The following SPNS1 variants were observed in gnomAD, a reference collection of about 807,000 sequenced individuals.
SPNS1 encodes the protein protein spinster homolog 1.
SPNS1 carries 22 observed loss-of-function variants against 50.3 expected under a neutral mutation model. The ratio of observed to expected loss-of-function variants is 0.44; its 90% CI spans 0.31 to 0.62. The LOEUF is 0.62. Among genes scored for constraint, SPNS1 ranks in the 20% least tolerant of loss-of-function variants. The pLI, the probability that SPNS1 is intolerant of heterozygous loss-of-function variation, is 0.07. For synonymous variants in SPNS1, 295 were observed against 317.4 expected, an observed-to-expected ratio of 0.93 and a Z score of 0.75; for missense variants, 576 against 728.6, an observed-to-expected ratio of 0.79 and a Z score of 2.41.
chr16:28,977,971 GGAA>G lies in SPNS1; in HGVS notation c.373_375del (p.Lys125del). ...GGCTACCTGGGTGACAGGTACAATCGGAAGTATCTCATGTGCGGGGGCATTGCC... is the reference window on the plus strand; with the variant it reads ...GGCTACCTGGGTGACAGGTACAATCGGTATCTCATGTGCGGGGGCATTGCC... On this transcript the variant is annotated inframe_deletion, in exon 3 of 12. Transcript: ENST00000311008. 6.2e-7 allele frequency: 1 copy of G among 1,613,924 alleles called. No homozygotes were observed. Among genetic ancestry groups the G allele is most frequent in the Non-Finnish European group, 8.5e-7 (1 of 1,179,920 alleles).
Position 28,975,023 on chromosome 16 carries a change from C to CA in SPNS1, c.-127dup, listed in dbSNP as rs1430999445. 1 of 1,432,130 alleles carries CA rather than the reference C, an allele frequency of 7.0e-7. No homozygotes were observed. The highest frequency in any genetic ancestry group is 1.4e-5 in the African/African-American group (1 of 69,552). 88.7% of individuals were successfully genotyped at this position (1,432,130 alleles called of 1,614,324 possible). A position where few individuals can be genotyped will look rare whatever the true frequency, so the allele number is the denominator to read the frequency against. Reference sequence around the variant, plus strand: ...CTCAGTGGTGCTCTGTGCTTCAGGGCAAGCTCCCCGTCTCCGGGCGCACTT... The same window carrying CA: ...CTCAGTGGTGCTCTGTGCTTCAGGGCAAAGCTCCCCGTCTCCGGGCGCACTT... On this transcript the variant is annotated 5_prime_UTR_variant, in exon 1 of 12. Transcript: ENST00000311008.
rs754755629 is a variant in SPNS1, at chr16:28,982,471, A to T, written c.1081A>T (p.Thr361Ser). Residue 361 changes from threonine (T) to serine (S), a missense_variant, in exon 8 of 12, where the codon ACT (threonine) becomes TCT (serine). By Grantham distance (58) the Thr-to-Ser change is moderately conservative. Coordinates refer to ENST00000311008, the MANE Select transcript of SPNS1 (RefSeq NM_032038.3). ...CCGGGCTGATCCCCTGGTCTGTGCC[A>T]CTGGCCTCCTGGGCTCTGCACCCTT... ...NPRADPLVCA[T>S]GLLGSAPFLF... 6.2e-7 allele frequency: 1 copy of T among 1,613,830 alleles called. No individual in the cohort carries two copies. Among genetic ancestry groups the T allele is most frequent in the East Asian group, 2.2e-5 (1 of 44,866 alleles).
intron 11 of SPNS1, 112 bp from the exon 12 acceptor site, chr16:28,984,093 C>T (rs1965666806): frequency 6.9e-7 from 1 of 1,439,978 alleles, no homozygotes; most frequent in East Asian, 2.3e-5. Flanking sequence ...CTGCATCCAC[C>T]CCTGGGGTGG....
At position 28,979,913 on chromosome 16, in the gene SPNS1, C is replaced by T. The variant is rs1965482476; in HGVS notation, c.663+442C>T. ...TGGTGCATGCCTGTAATCCCAGCTA[C>T]TCGGGGGGCTGAGGTAGGAGAATCA... On this transcript the variant is annotated intron_variant, in intron 5 of 11. Coordinates refer to ENST00000311008, the MANE Select transcript of SPNS1 (RefSeq NM_032038.3). 1.7e-5 allele frequency: 3 copies of T among 179,708 alleles called. No individual in the cohort carries two copies. The South Asian group carries it at 3.1e-4, about 19-fold the overall frequency. The allele number at this position is 179,708 out of a possible 1,614,324, so 11.1% of individuals were successfully genotyped here.
chr16:28,981,678 G>C lies in SPNS1; in HGVS notation c.809+63G>C. On this transcript the variant is annotated intron_variant, in intron 6 of 11. Coordinates refer to ENST00000311008, the MANE Select transcript of SPNS1 (RefSeq NM_032038.3). This position sits in a 1 kb window ranked among gnomAD's most constrained non-coding sequence, Gnocchi z 4.2. Reference sequence around the variant, plus strand: ...CCCTGGCGTCTGGTTTGAGGTTTAAGTGGGGATGTTCCTGTTCCTGGCCAC... The same window carrying C: ...CCCTGGCGTCTGGTTTGAGGTTTAACTGGGGATGTTCCTGTTCCTGGCCAC... The C allele has an allele frequency of 6.3e-7, 1 of 1,589,626 alleles. No homozygotes were observed. The highest frequency in any genetic ancestry group is 8.6e-7 in the Non-Finnish European group (1 of 1,165,966).
rs995793772 is a variant in SPNS1, at chr16:28,974,823, C to T, written c.-329C>T. 6.5e-7 allele frequency: 1 copy of T among 1,535,720 alleles called. No homozygotes were observed. Among genetic ancestry groups the T allele is most frequent in the Non-Finnish European group, 8.7e-7 (1 of 1,146,582 alleles). On this transcript the variant is annotated 5_prime_UTR_variant, in exon 1 of 12. Transcript: ENST00000311008. ...CATGGCGGCTGCCGTGGTGCAGCGC[C>T]CGGGCTGAGCGACAGCAAGTGCAGC... is the stretch of plus-strand genomic sequence containing the variant.
chr16:28,982,534 G>A lies in SPNS1; in HGVS notation c.1144G>A (p.Val382Met), dbSNP rs771767729. The A allele has an allele frequency of 2.5e-6, 4 of 1,607,894 alleles. No individual in the cohort carries two copies. The highest frequency in any genetic ancestry group is 2.2e-5 in the South Asian group (2 of 90,514). ...CCTTGCCTGCGCCCGTGGTAGCATC[G>A]TGGCCACTTATGTGAGTAGCCAGCA... ...LSLACARGSI[V>M]ATYIFIFIGE... Residue 382 changes from valine to methionine, a missense_variant, in exon 8 of 12, where the codon GTG becomes ATG. Physicochemically the swap from Val to Met is conservative, Grantham distance 21. This residue lies in a region of SPNS1 where 428 missense variants were observed against 520.1 expected (regional missense o/e 0.82). Coordinates refer to ENST00000311008, the MANE Select transcript of SPNS1 (RefSeq NM_032038.3).
Position 28,984,437 on chromosome 16 carries a change from T to G in SPNS1, c.*138T>G. 1 of 835,676 alleles carries G rather than the reference T, an allele frequency of 1.2e-6. No homozygotes were observed. Among genetic ancestry groups the G allele is most frequent in the Non-Finnish European group, 2.0e-6 (1 of 506,662 alleles). 51.8% of individuals were successfully genotyped at this position (835,676 alleles called of 1,614,324 possible). A position where few individuals can be genotyped will look rare whatever the true frequency, so the allele number is the denominator to read the frequency against. The stretch of plus-strand genomic sequence containing the variant: ...CGTGTGCCAGCTCCCAGACACTACC[T>G]GGGTAGCTCAGGGGAGGAGGTGGGG... On this transcript the variant is annotated 3_prime_UTR_variant, in exon 12 of 12. Coordinates refer to ENST00000311008, the MANE Select transcript of SPNS1 (RefSeq NM_032038.3).
intron 1 of SPNS1, 26 bp downstream of exon 1, chr16:28,975,418 A>C (rs1965308151): frequency 1.2e-6 from 2 of 1,614,024 alleles, no homozygotes; most frequent in African/African-American, 1.3e-5. Flanking sequence ...TGGGAGGAAG[A>C]TAGTCTAGGA....
In SPNS1 at chr16:28,975,545, C is replaced by T; in HGVS notation, c.295C>T (p.Leu99Phe). 1 of 1,614,230 alleles carries T rather than the reference C, an allele frequency of 6.2e-7. No individual in the cohort carries two copies. Among genetic ancestry groups the T allele is most frequent in the Non-Finnish European group, 8.5e-7 (1 of 1,180,036 alleles). Residue 99 changes from leucine (L) to phenylalanine (F), a missense_variant, in exon 2 of 12, where the codon CTC (leucine) becomes TTC (phenylalanine). By Grantham distance (22) the Leu-to-Phe change is conservative. Transcript: ENST00000311008. ...CAACATCGGGGACAGTAGCTCTGGGCTCATCCAGACCGGTGAGTGGGGACC... is the reference window on the plus strand; with the variant it reads ...CAACATCGGGGACAGTAGCTCTGGGTTCATCCAGACCGGTGAGTGGGGACC... ...FFNIGDSSSGLIQTVFISSYM... is the reference protein window; with the variant it reads ...FFNIGDSSSGFIQTVFISSYM...
At chr16:28,979,538 G>C in intron 5 of SPNS1, 67 bp downstream of exon 5, 3 of 1,552,956 alleles carry the variant, frequency 1.9e-6, no homozygotes, top group Non-Finnish European at 2.7e-6. Flanking sequence ...CCTACCTTTG[G>C]ACCCCTTCCC....
chr16:28,982,518 C>T lies in SPNS1; in HGVS notation c.1128C>T (p.Cys376=), dbSNP rs111955817. ...SAPFLFLSLA[C]ARGSIVATYI... Reference sequence around the variant, plus strand: ...CCTTCCTCTTCCTGTCCCTTGCCTGCGCCCGTGGTAGCATCGTGGCCACTT... The same window carrying T: ...CCTTCCTCTTCCTGTCCCTTGCCTGTGCCCGTGGTAGCATCGTGGCCACTT... The change falls in exon 8 of 12, where the codon TGC becomes TGT. Residue 376 remains cysteine, a synonymous_variant. Coordinates refer to ENST00000311008, the MANE Select transcript of SPNS1 (RefSeq NM_032038.3). The T allele has an allele frequency of 7.1e-5, 114 of 1,611,300 alleles. 2 individuals are homozygous for T. The highest frequency in any genetic ancestry group is 6.5e-4 in the African/African-American group (49 of 75,000).
Position 28,976,186 on chromosome 16 carries a change from T to G in SPNS1, c.307+629T>G, listed in dbSNP as rs376803407. ...ACTTGGGAGGCTGAGGCATGAGAGT[T>G]ACTTGAACCCGGGAGGCAGAGGTTG... On this transcript the variant is annotated intron_variant, in intron 2 of 11. Coordinates refer to ENST00000311008, the MANE Select transcript of SPNS1 (RefSeq NM_032038.3). Among the ~76,000 whole-genome samples, 5 of 152,168 alleles carry G rather than the reference T, an allele frequency of 3.3e-5. No homozygotes were observed. In the South Asian group the frequency reaches 1.0e-3, roughly 32 times the overall value.
At chr16:28,982,151 G>A in intron 7 of SPNS1, 95 bp downstream of exon 7, 3 of 1,479,680 alleles carry the variant, frequency 2.0e-6, no homozygotes, top group Non-Finnish European at 1.8e-6. Flanking sequence ...TTTGACTCCT[G>A]ACTTCACAAG....
In SPNS1 at chr16:28,982,060, C is replaced by T. The variant is rs1444905593; in HGVS notation, c.965+4C>T. 2 of 1,613,700 alleles carry T rather than the reference C, an allele frequency of 1.2e-6. No individual in the cohort carries two copies. The highest frequency in any genetic ancestry group is 8.5e-7 in the Non-Finnish European group (1 of 1,179,884). On this transcript the variant is annotated splice_donor_region_variant and intron_variant, in intron 7 of 11. Transcript: ENST00000311008. ...ACTCCTGCTCTTCCTCTGACAGGTG[C>T]CCAGATGGGGCTATGCTGGGGGGCC...
In SPNS1 at chr16:28,983,742, C is replaced by T. The variant is rs772598185; in HGVS notation, c.1321-44C>T. ...AGGGGCGTGCCCTCCCTGGTTCATC[C>T]ATGAGGCTGACTCCCCTGGCTTTCC... On this transcript the variant is annotated intron_variant, in intron 10 of 11. Transcript: ENST00000311008. This position sits in a 1 kb window ranked among gnomAD's most constrained non-coding sequence, Gnocchi z 5.4. 4.3e-5 allele frequency: 65 copies of T among 1,529,068 alleles called. 1 individual carries two copies. The South Asian group carries it at 8.0e-4, about 19-fold the overall frequency. 94.7% of individuals were successfully genotyped at this position (1,529,068 alleles called of 1,614,324 possible).
At position 28,981,630 on chromosome 16, in the gene SPNS1, A is replaced by C; in HGVS notation, c.809+15A>C. On this transcript the variant is annotated intron_variant, in intron 6 of 11. Coordinates refer to ENST00000311008, the MANE Select transcript of SPNS1 (RefSeq NM_032038.3). The surrounding 1 kb of genome is among the most constrained non-coding windows in gnomAD (Gnocchi z 4.2). ...CTGGCAAGAAAGTGAGTTTATTCCCACCCTAGACCACCATCTGAGGCCCCC... is the reference window on the plus strand; with the variant it reads ...CTGGCAAGAAAGTGAGTTTATTCCCCCCCTAGACCACCATCTGAGGCCCCC... 6.2e-7 allele frequency: 1 copy of C among 1,611,102 alleles called. No individual in the cohort carries two copies.
rs1965305445 is a variant in SPNS1 at position 28,975,352 on chromosome 16, C to T, written c.201C>T (p.Tyr67=). 2 of 1,596,120 alleles carry T rather than the reference C, an allele frequency of 1.3e-6. No individual in the cohort carries two copies. The highest frequency in any genetic ancestry group is 1.7e-6 in the Non-Finnish European group (2 of 1,168,522). The change falls in exon 1 of 12, where the codon TAC becomes TAT. Residue 67 remains tyrosine, a synonymous_variant. Transcript: ENST00000311008. ...CTCTCATAGTGGCGGTGCTGTGCTACATCAATCTCCTGAACTACATGGACC... is the reference window on the plus strand; with the variant it reads ...CTCTCATAGTGGCGGTGCTGTGCTATATCAATCTCCTGAACTACATGGACC... ...RSALIVAVLC[Y]INLLNYMDRF... is the part of the protein sequence containing the mutation.
At chr16:28,984,005 T>C (rs1596761766) in intron 11 of SPNS1, 48 bp downstream of exon 11, 1 of 1,517,224 alleles carries the variant, frequency 6.6e-7, no homozygotes, top group African/African-American at 1.4e-5. Flanking sequence ...TGCCTGTCTG[T>C]CTGTCCATCT....
Sources: allele counts gnomAD v4.1 joint callset (sites outside exome capture counted in the v4.1 genomes callset), GRCh38; gene constraint gnomAD v4.1.1; regional missense constraint gnomAD v4.1.1; non-coding constraint Gnocchi (gnomAD v3.1); transcripts MANE v1.5; gene names NCBI Gene and HGNC (gene_info 2026-07-23, HGNC 2026-07-21).